Variants in TLL2 observed in about 807,000 individuals in gnomAD.
TLL2 encodes tolloid like 2.
TLL2 carries 106 observed loss-of-function variants against 123.0 expected under a neutral mutation model. The observed-to-expected ratio is 0.86, with a 90% CI of 0.74 to 1.01. TLL2 has a LOEUF of 1.01. Among genes scored for constraint, TLL2 ranks in the 50% least tolerant of loss-of-function variants. The pLI, the probability that TLL2 is intolerant of heterozygous loss-of-function variation, is 0.00. For synonymous variants in TLL2, 494 were observed against 516.8 expected (o/e 0.96, Z 0.60); for missense variants, 1,332 against 1,336.7 (o/e 1.00, Z 0.06).
chr10:96,370,788 A>G (rs1019435869), intron 19 of TLL2, among the ~76,000 whole-genome samples: 1 of 152,302 alleles, frequency 6.6e-6, no homozygotes, highest in Admixed American at 6.5e-5. Context: ...AATCGCGGGT[A>G]AGCTCTCAAC....
At chr10:96,497,139 A>T (rs1363164634) in intron 1 of TLL2, among the ~76,000 whole-genome samples, 1 of 152,026 alleles carries the variant, frequency 6.6e-6, no homozygotes, top group East Asian at 1.9e-4. Context: ...AAAATACAAA[A>T]ATTAGCCCAG....
chr10:96,395,150 T>C lies in TLL2; in HGVS notation c.1726+37A>G, dbSNP rs568731838. The stretch of plus-strand genomic sequence containing the variant: ...AGGCCAGGGGGAGCAATATTTCTTC[T>C]TGTGCCTAAAAGTGGAAACAAACTG... On this transcript the variant is annotated intron_variant, in intron 13 of 20. Coordinates refer to ENST00000357947, the MANE Select transcript of TLL2 (RefSeq NM_012465.4). 6.4e-6 allele frequency: 10 copies of C among 1,558,044 alleles called. No individual in the cohort carries two copies. In the South Asian group the frequency reaches 1.1e-4, roughly 17 times the overall value.
chr10:96,433,077 G>T, intron 3 of TLL2, 115 bp from the exon 4 acceptor site: 2 of 1,396,266 alleles, frequency 1.4e-6, no homozygotes, highest in Non-Finnish European at 2.0e-6. Context: ...GTTCCAAAGG[G>T]GCTATTTCAT....
chr10:96,433,543 C>T (rs1041749809), intron 3 of TLL2, among the ~76,000 whole-genome samples: 2 of 152,050 alleles, frequency 1.3e-5, no homozygotes, highest in South Asian at 2.1e-4. Flanking sequence ...TGAGTCCACG[C>T]GTTGGGCCTC....
intron 7 of TLL2, among the ~76,000 whole-genome samples, chr10:96,415,749 C>CTCTCTCTCTCTG (rs1846552940): frequency 9.7e-6 from 1 of 103,058 alleles, no homozygotes; most frequent in African/African-American, 4.2e-5. Flanking sequence ...GTCTCTCTCT[C>CTCTCTCTCTCTG]TCTCTCTCTC....
At chr10:96,386,486 T>G (rs369554468) in intron 14 of TLL2, among the ~76,000 whole-genome samples, 1 of 152,320 alleles carries the variant, frequency 6.6e-6, no homozygotes, top group South Asian at 2.1e-4. Context: ...GGGCTCCCTA[T>G]GGCTTGGGCC....
chr10:96,396,582 T>TTTC (rs1385429053), intron 11 of TLL2, among the ~76,000 whole-genome samples: 78 of 89,100 alleles, frequency 8.8e-4, no homozygotes, highest in South Asian at 3.8e-4. Flanking sequence ...TTCCCCTTTC[T>TTTC]TTTTTTTTTT....
At chr10:96,395,562 G>A (rs1677728072) in intron 12 of TLL2, among the ~76,000 whole-genome samples, 180 bp from the exon 13 acceptor site, 1 of 152,224 alleles carries the variant, frequency 6.6e-6, no homozygotes, top group South Asian at 2.1e-4. Context: ...AGTCAAGGGT[G>A]AATCAAACTG....
chr10:96,424,930 C>T (rs1181395562), intron 5 of TLL2, among the ~76,000 whole-genome samples: 1 of 151,204 alleles, frequency 6.6e-6, no homozygotes, highest in African/African-American at 2.4e-5. Context: ...TTCTTTCTTC[C>T]ATTTTTTTCT....
chr10:96,410,252 G>T, intron 9 of TLL2, 107 bp downstream of exon 9: 1 of 764,132 alleles, frequency 1.3e-6, no homozygotes, highest in Non-Finnish European at 2.2e-6. Context: ...TACAGTGGGT[G>T]CTTATAACCG....
At chr10:96,376,243 T>C (rs1425369701) in intron 18 of TLL2, among the ~76,000 whole-genome samples, 2 of 152,268 alleles carry the variant, frequency 1.3e-5, no homozygotes, top group Non-Finnish European at 2.9e-5. Flanking sequence ...AGAAAATTTC[T>C]AGAAGGATCC....
chr10:96,402,876 G>A (rs994289291), intron 10 of TLL2, among the ~76,000 whole-genome samples: 4 of 152,106 alleles, frequency 2.6e-5, no homozygotes, highest in East Asian at 1.9e-4. Context: ...GTCAGGGCTC[G>A]GTCTAGCAGT....
intron 3 of TLL2, among the ~76,000 whole-genome samples, chr10:96,437,338 A>G (rs1352073003): frequency 2.6e-5 from 4 of 152,218 alleles, no homozygotes; most frequent in Admixed American, 2.6e-4. Flanking sequence ...CTACAGTACA[A>G]TAACACAACT....
At chr10:96,386,472 C>T (rs1277265266) in intron 14 of TLL2, among the ~76,000 whole-genome samples, 1 of 152,160 alleles carries the variant, frequency 6.6e-6, no homozygotes, top group Admixed American at 6.5e-5. Context: ...AGTGGCAGAG[C>T]TGGGGGCTCC....
chr10:96,487,093 C>T (rs139388450), intron 1 of TLL2, among the ~76,000 whole-genome samples: 258 of 152,340 alleles, frequency 1.7e-3, no homozygotes, highest in Middle Eastern at 3.4e-3. Context: ...GTTCCAATCC[C>T]AGTGCCATCA....
intron 1 of TLL2, among the ~76,000 whole-genome samples, chr10:96,482,687 T>C (rs528314124): frequency 1.7e-4 from 26 of 152,254 alleles, no homozygotes; most frequent in African/African-American, 5.5e-4. Flanking sequence ...GGATCGACTG[T>C]AAATGAACAT....
chr10:96,384,523 G>T (rs1589407556), intron 16 of TLL2, 64 bp downstream of exon 16: 1 of 1,442,236 alleles, frequency 6.9e-7, no homozygotes, highest in East Asian at 2.6e-5. Context: ...AGGGACCCCA[G>T]AGCCTGGAGT....
intron 3 of TLL2, among the ~76,000 whole-genome samples, chr10:96,435,799 G>A (rs1265296006): frequency 6.6e-6 from 1 of 151,982 alleles, no homozygotes; most frequent in African/African-American, 2.4e-5. Flanking sequence ...TTGAATACTT[G>A]GTGCATTAAT....
rs555806230 is a variant in TLL2 at position 96,403,832 on chromosome 10, G to A, written c.1267+1400C>T. Among the ~76,000 whole-genome samples the A allele has an allele frequency of 1.7e-3, 254 of 152,008 alleles. 1 individual carries two copies. Among genetic ancestry groups the A allele is most frequent in the African/African-American group, 4.6e-3 (191 of 41,314 alleles). On this transcript the variant is annotated intron_variant, in intron 10 of 20. Transcript: ENST00000357947. ...TGTACATTTGTTCAATTCTGAGATA[G>A]GAGAAAAACTGCCCTGTGGTGGGAG...
Sources: gnomAD v4.1 joint callset for allele counts (sites outside exome capture counted in the v4.1 genomes callset) on GRCh38, gnomAD v4.1.1 for gene constraint, MANE v1.5 for transcripts, NCBI Gene and HGNC (gene_info 2026-07-23, HGNC 2026-07-21) for gene names.